The following HS6ST3 variants were observed in gnomAD, a reference collection of about 807,000 sequenced individuals.
HS6ST3 encodes heparan sulfate 6-O-sulfotransferase 3.
HS6ST3 carries 12 observed loss-of-function variants against 36.7 expected under a neutral mutation model. The observed-to-expected ratio is 0.33, with a 90% CI of 0.21 to 0.53. The LOEUF is 0.53. Ranked by LOEUF, HS6ST3 falls within the 20% of genes least tolerant of loss-of-function variation. The pLI is 0.95. For synonymous variants in HS6ST3, 240 were observed against 257.5 expected (o/e 0.93, Z 0.65); for missense variants, 584 against 640.9 (o/e 0.91, Z 0.96).
At chr13:96,384,425 C>CATTA (rs1298143792) in intron 1 of HS6ST3, among the ~76,000 whole-genome samples, 2 of 152,044 alleles carry the variant, frequency 1.3e-5, no homozygotes, top group African/African-American at 4.8e-5. Flanking sequence ...AGTTAGTGCC[C>CATTA]ATTAGTCTTG....
chr13:96,567,559 A>T (rs534714387), intron 1 of HS6ST3, among the ~76,000 whole-genome samples: 2 of 152,164 alleles, frequency 1.3e-5, no homozygotes, highest in African/African-American at 4.8e-5. Context: ...GGATCAGAAA[A>T]GTTTTTACAC....
At chr13:96,136,294 G>T (rs930685378) in intron 1 of HS6ST3, among the ~76,000 whole-genome samples, 1 of 152,178 alleles carries the variant, frequency 6.6e-6, no homozygotes, top group African/African-American at 2.4e-5. Flanking sequence ...AATTTATAAA[G>T]AAAAGAGGTT....
chr13:96,678,628 C>T (rs150666271), intron 1 of HS6ST3, among the ~76,000 whole-genome samples: 5 of 151,764 alleles, frequency 3.3e-5, no homozygotes, highest in African/African-American at 9.7e-5. Flanking sequence ...GAGCCAAGAT[C>T]GCACCACTGC....
chr13:96,450,587 A>G (rs930248561), intron 1 of HS6ST3, among the ~76,000 whole-genome samples: 5 of 152,116 alleles, frequency 3.3e-5, no homozygotes, highest in Non-Finnish European at 7.3e-5. Flanking sequence ...ATTCTTTAGT[A>G]CAAATATTTA....
At chr13:96,687,677 G>A (rs999980310) in intron 1 of HS6ST3, among the ~76,000 whole-genome samples, 12 of 151,794 alleles carry the variant, frequency 7.9e-5, no homozygotes, top group African/African-American at 2.4e-4. Context: ...ACATTATTGC[G>A]GATAAGGGCA....
At chr13:96,568,927 A>T (rs773950117) in intron 1 of HS6ST3, among the ~76,000 whole-genome samples, 1 of 152,172 alleles carries the variant, frequency 6.6e-6, no homozygotes, top group Non-Finnish European at 1.5e-5. Flanking sequence ...AATCATCCAT[A>T]AGTGTGGAAT....
chr13:96,831,954 CAAAAAAAAAAA>C (rs35266831), intron 1 of HS6ST3, among the ~76,000 whole-genome samples: 6 of 21,856 alleles, frequency 2.7e-4, no homozygotes, highest in South Asian at 2.5e-3. Context: ...GACTCCCTCT[CAAAAAAAAAAA>C]AAAAAAAAAA....
At chr13:96,429,993 G>C (rs773410222) in intron 1 of HS6ST3, among the ~76,000 whole-genome samples, 11 of 152,070 alleles carry the variant, frequency 7.2e-5, no homozygotes, top group Admixed American at 2.6e-4. Context: ...TAAAATATAG[G>C]GGCTCATTCA....
chr13:96,297,523 G>T (rs1323097448), intron 1 of HS6ST3, among the ~76,000 whole-genome samples: 2 of 152,110 alleles, frequency 1.3e-5, no homozygotes, highest in Non-Finnish European at 2.9e-5. Context: ...GAACAGCAGG[G>T]TTCCTCCCAA....
chr13:96,607,327 C>G (rs560821044), intron 1 of HS6ST3, among the ~76,000 whole-genome samples: 1 of 152,116 alleles, frequency 6.6e-6, no homozygotes, highest in Non-Finnish European at 1.5e-5. Context: ...GAAAAACACA[C>G]GAGACATGGA....
chr13:96,686,365 A>T (rs1360155828), intron 1 of HS6ST3, among the ~76,000 whole-genome samples: 1 of 152,028 alleles, frequency 6.6e-6, no homozygotes, highest in Non-Finnish European at 1.5e-5. Context: ...GCCTGTGTAA[A>T]CAGTGCTGAA....
At chr13:96,097,791 G>A (rs543775) in intron 1 of HS6ST3, among the ~76,000 whole-genome samples, 124,400 of 152,176 alleles carry the variant, frequency 0.82, 51,175 homozygotes, top group East Asian at 0.87. Context: ...AAATACAGTT[G>A]CTCAGTTGCT....
chr13:96,644,555 T>C (rs2056581336), intron 1 of HS6ST3, among the ~76,000 whole-genome samples: 1 of 151,982 alleles, frequency 6.6e-6, no homozygotes, highest in South Asian at 2.1e-4. Flanking sequence ...CCAGGGCTCA[T>C]GTGAGATGAT....
At chr13:96,531,346 AT>A (rs975978953) in intron 1 of HS6ST3, among the ~76,000 whole-genome samples, 2 of 152,320 alleles carry the variant, frequency 1.3e-5, no homozygotes, top group South Asian at 2.1e-4. Flanking sequence ...ATTAAACCAT[AT>A]TTTACAGATG....
chr13:96,360,285 C>G (rs2055231089), intron 1 of HS6ST3, among the ~76,000 whole-genome samples: 1 of 141,418 alleles, frequency 7.1e-6, no homozygotes, highest in Non-Finnish European at 1.5e-5. Context: ...GTATAGGCAT[C>G]CTTTTGATGT....
At chr13:96,325,515 G>A (rs533780686) in intron 1 of HS6ST3, among the ~76,000 whole-genome samples, 1 of 152,232 alleles carries the variant, frequency 6.6e-6, no homozygotes, top group East Asian at 1.9e-4. Flanking sequence ...TGTTTGCATG[G>A]CAGTTATATT....
intron 1 of HS6ST3, among the ~76,000 whole-genome samples, chr13:96,099,606 C>A (rs563153188): frequency 6.6e-6 from 1 of 152,232 alleles, no homozygotes; most frequent in South Asian, 2.1e-4. Context: ...GTAGTTCATT[C>A]CTATTATTAA....
intron 1 of HS6ST3, among the ~76,000 whole-genome samples, chr13:96,349,311 A>AT (rs375386503): frequency 6.6e-4 from 100 of 151,160 alleles, no homozygotes; most frequent in South Asian, 1.7e-3. Context: ...TTTCTGCAGT[A>AT]TTTTTTTTTG....
At chr13:96,782,185 G>A (rs1877542156) in intron 1 of HS6ST3, among the ~76,000 whole-genome samples, 1 of 152,178 alleles carries the variant, frequency 6.6e-6, no homozygotes, top group Non-Finnish European at 1.5e-5. Context: ...CTAGCCCAGA[G>A]GCTGCCCCCC....
Sources: allele counts gnomAD v4.1 joint callset (sites outside exome capture counted in the v4.1 genomes callset), GRCh38; gene constraint gnomAD v4.1.1; transcripts MANE v1.5; gene names NCBI Gene and HGNC (gene_info 2026-07-23, HGNC 2026-07-21).